NOL4: variants seen among roughly 807,000 people sequenced by gnomAD.
NOL4 encodes the protein nucleolar protein 4, also known as cancer/testis antigen 125.
NOL4 carries 17 observed loss-of-function variants against 75.9 expected under a neutral mutation model. The ratio of observed to expected loss-of-function variants is 0.22; its 90% CI spans 0.15 to 0.34. The LOEUF is 0.34. Among genes scored for constraint, NOL4 ranks in the 10% least tolerant of loss-of-function variants. The pLI is 1.00. For synonymous variants in NOL4, 292 were observed against 289.9 expected (o/e 1.01, Z -0.07); for missense variants, 614 against 793.5 (o/e 0.77, Z 2.72).
chr18:34,112,914 T>C (rs973358184), intron 2 of NOL4, among the ~76,000 whole-genome samples: 6 of 152,162 alleles, frequency 3.9e-5, no homozygotes, highest in South Asian at 2.1e-4. Flanking sequence ...ATTAGCTTGA[T>C]TGCGGTAATA....
intron 1 of NOL4, among the ~76,000 whole-genome samples, chr18:34,145,581 A>C (rs1600720086): frequency 1.3e-5 from 2 of 151,996 alleles, no homozygotes; most frequent in African/African-American, 4.8e-5. Flanking sequence ...TATAACTCTA[A>C]GAATTTTTAA....
intron 5 of NOL4, among the ~76,000 whole-genome samples, chr18:34,047,255 C>A (rs1214552889): frequency 6.6e-6 from 1 of 152,108 alleles, no homozygotes; most frequent in Admixed American, 6.6e-5. Flanking sequence ...AAACAGCACA[C>A]TTCAATTGGC....
intron 4 of NOL4, among the ~76,000 whole-genome samples, chr18:34,099,832 T>C (rs2078963080): frequency 6.6e-6 from 1 of 152,182 alleles, no homozygotes; most frequent in African/African-American, 2.4e-5. Flanking sequence ...ACCCAAAATG[T>C]GAGTAATTCT....
intron 8 of NOL4, among the ~76,000 whole-genome samples, chr18:33,956,780 A>G (rs530643563): frequency 1.3e-5 from 2 of 152,272 alleles, no homozygotes; most frequent in South Asian, 4.1e-4. Context: ...ACACAAATAA[A>G]CATATCCAGT....
chr18:34,210,983 G>C (rs962570129), intron 1 of NOL4, among the ~76,000 whole-genome samples: 2 of 151,988 alleles, frequency 1.3e-5, no homozygotes. Context: ...ATCTTATCAT[G>C]AATTTGTAGA....
At chr18:34,130,648 T>G (rs1407210986) in intron 1 of NOL4, among the ~76,000 whole-genome samples, 1 of 152,048 alleles carries the variant, frequency 6.6e-6, no homozygotes, top group African/African-American at 2.4e-5. Context: ...TAAATTTCAG[T>G]TTTTCTCTCC....
At chr18:34,179,735 G>T (rs2033871697) in intron 1 of NOL4, among the ~76,000 whole-genome samples, 1 of 151,450 alleles carries the variant, frequency 6.6e-6, no homozygotes, top group Non-Finnish European at 1.5e-5. Flanking sequence ...TTAGGATGGG[G>T]GATATCTTTT....
intron 5 of NOL4, among the ~76,000 whole-genome samples, chr18:34,037,360 T>A (rs1037953072): frequency 2.6e-5 from 4 of 151,956 alleles, no homozygotes; most frequent in African/African-American, 9.7e-5. Context: ...AATATACAAA[T>A]TCAACACAAT....
intron 5 of NOL4, among the ~76,000 whole-genome samples, chr18:34,077,423 A>G (rs990241173): frequency 1.3e-5 from 2 of 152,182 alleles, no homozygotes; most frequent in African/African-American, 4.8e-5. Flanking sequence ...ACATATATAT[A>G]GATATATACA....
chr18:34,134,393 CCAGA>C (rs767518597), intron 1 of NOL4, among the ~76,000 whole-genome samples: 1 of 150,824 alleles, frequency 6.6e-6, no homozygotes. Context: ...GTTCAACTCA[CCAGA>C]CAGACAAAAC....
intron 2 of NOL4, among the ~76,000 whole-genome samples, chr18:34,110,276 G>A (rs933846930): frequency 2.0e-5 from 3 of 150,014 alleles, no homozygotes; most frequent in African/African-American, 7.3e-5. Flanking sequence ...GAACATAGAT[G>A]AAAAACTCAA....
chr18:34,222,936 C>T, intron 1 of NOL4, 54 bp downstream of exon 1: 2 of 1,583,444 alleles, frequency 1.3e-6, no homozygotes, highest in Non-Finnish European at 1.7e-6. Flanking sequence ...TCCTTCCTCC[C>T]TCCCCGCCGG....
chr18:34,181,002 T>C (rs545174798), intron 1 of NOL4, among the ~76,000 whole-genome samples: 1 of 151,646 alleles, frequency 6.6e-6, no homozygotes, highest in South Asian at 2.1e-4. Context: ...CTATAAATTA[T>C]CTACAGATTC....
chr18:34,059,331 A>G (rs927507146), intron 5 of NOL4, among the ~76,000 whole-genome samples: 1 of 151,936 alleles, frequency 6.6e-6, no homozygotes. Flanking sequence ...CATATTAAAT[A>G]ACTGGAAGTT....
intron 6 of NOL4, among the ~76,000 whole-genome samples, chr18:34,004,790 C>T (rs556187518): frequency 2.0e-5 from 3 of 152,070 alleles, no homozygotes; most frequent in South Asian, 4.2e-4. Flanking sequence ...CTTCCCAGAC[C>T]ACCTCAAACT....
intron 9 of NOL4, among the ~76,000 whole-genome samples, chr18:33,901,851 G>T (rs1042789809): frequency 6.6e-6 from 1 of 152,012 alleles, no homozygotes; most frequent in South Asian, 2.1e-4. Flanking sequence ...GTGATATGGA[G>T]ATTATTTAAA....
intron 9 of NOL4, among the ~76,000 whole-genome samples, chr18:33,910,403 C>T (rs2066328864): frequency 6.6e-6 from 1 of 152,026 alleles, no homozygotes; most frequent in African/African-American, 2.4e-5. Flanking sequence ...GGTATCCTTT[C>T]CTGCCATGTC....
At chr18:34,165,175 GC>G (rs1358043319) in intron 1 of NOL4, among the ~76,000 whole-genome samples, 1 of 151,808 alleles carries the variant, frequency 6.6e-6, no homozygotes, top group African/African-American at 2.4e-5. Flanking sequence ...ACAACAGCTA[GC>G]ACATGTATAC....
At chr18:33,890,258 T>C (rs1447946703) in intron 9 of NOL4, among the ~76,000 whole-genome samples, 1 of 151,970 alleles carries the variant, frequency 6.6e-6, no homozygotes, top group East Asian at 1.9e-4. Context: ...AAATCATGAG[T>C]GAACTCTCAT....
Sources: allele counts gnomAD v4.1 joint callset (sites outside exome capture counted in the v4.1 genomes callset), GRCh38; gene constraint gnomAD v4.1.1; transcripts MANE v1.5; gene names NCBI Gene and HGNC (gene_info 2026-07-23, HGNC 2026-07-21).